TAF1B: variants seen among roughly 807,000 people sequenced by gnomAD.
The protein encoded by TAF1B is TATA-box binding protein associated factor, RNA polymerase I subunit B.
In TAF1B, 61 loss-of-function variants were observed where a neutral mutation model predicts 83.9. That is an observed-to-expected ratio of 0.73 (90% CI 0.59 to 0.90). The LOEUF is 0.90. TAF1B is among the 40% of genes least tolerant of loss of function. The probability of loss-of-function intolerance (pLI) is 0.00; values close to 1 mark genes in which losing one functional copy is unlikely to be tolerated. For synonymous variants in TAF1B, 221 were observed against 224.6 expected (o/e 0.98, Z 0.14); for missense variants, 625 against 677.0 (o/e 0.92, Z 0.85).
At chr2:9,888,805 T>G (rs989324374) in intron 8 of TAF1B, among the ~76,000 whole-genome samples, 4 of 144,562 alleles carry the variant, frequency 2.8e-5, no homozygotes, top group Non-Finnish European at 6.0e-5. Flanking sequence ...TTTTTTTTTT[T>G]TTTTTTTTTT....
At chr2:9,873,082 A>T (rs560869888) in intron 6 of TAF1B, among the ~76,000 whole-genome samples, 1 of 152,304 alleles carries the variant, frequency 6.6e-6, no homozygotes, top group East Asian at 1.9e-4. Context: ...AAACCTTTGC[A>T]TGGCTTTCAA....
At chr2:9,872,064 ACGCC>A (rs1251768332) in intron 6 of TAF1B, among the ~76,000 whole-genome samples, 1 of 152,140 alleles carries the variant, frequency 6.6e-6, no homozygotes, top group Non-Finnish European at 1.5e-5. Context: ...GTGGTGGCTC[ACGCC>A]TGTAATCCCA....
At position 9,914,676 on chromosome 2, in the gene TAF1B, A is replaced by C. The variant is rs1016462440; in HGVS notation, c.1271+1427A>C. ...TACTTTAGGGAATAATTTATTGGCC[A>C]AAGAAAGTAAGTCTGGTTATAAAAT... On this transcript the variant is annotated intron_variant, in intron 12 of 14. Coordinates refer to ENST00000263663, the MANE Select transcript of TAF1B (RefSeq NM_005680.3). The surrounding 1 kb of genome is among the most constrained non-coding windows in gnomAD (Gnocchi z 4.3). Among the ~76,000 whole-genome samples the C allele has an allele frequency of 2.0e-5, 3 of 152,224 alleles. No individual in the cohort carries two copies. Among genetic ancestry groups the C allele is most frequent in the African/African-American group, 2.4e-5 (1 of 41,456 alleles).
chr2:9,898,789 T>C (rs1665095641), intron 8 of TAF1B, among the ~76,000 whole-genome samples: 1 of 152,214 alleles, frequency 6.6e-6, no homozygotes, highest in African/African-American at 2.4e-5. Flanking sequence ...TAAAAGTAGA[T>C]ATTAGCAAGT....
Position 9,843,504 on chromosome 2 carries a change from T to G in TAF1B, c.-38T>G, listed in dbSNP as rs949816928. 3 of 1,520,106 alleles carry G rather than the reference T, an allele frequency of 2.0e-6. No individual in the cohort carries two copies. The highest frequency in any genetic ancestry group is 2.7e-6 in the Non-Finnish European group (3 of 1,129,558). 94.2% of individuals were successfully genotyped at this position (1,520,106 alleles called of 1,614,324 possible). On this transcript the variant is annotated 5_prime_UTR_variant, in exon 1 of 15. Transcript: ENST00000263663. Reference sequence around the variant, plus strand: ...CCGGAAGCTGCGCTCGCTACCCGGGTAACGGGTCCCGGCTGTGGAAGCTCC... The same window carrying G: ...CCGGAAGCTGCGCTCGCTACCCGGGGAACGGGTCCCGGCTGTGGAAGCTCC...
chr2:9,863,053 C>G (rs1663831694), intron 5 of TAF1B, among the ~76,000 whole-genome samples: 1 of 152,142 alleles, frequency 6.6e-6, no homozygotes, highest in African/African-American at 2.4e-5. Flanking sequence ...GCAAAATAAC[C>G]AGCTATAACA....
At chr2:9,861,352 A>G (rs1663749419) in intron 5 of TAF1B, among the ~76,000 whole-genome samples, 1 of 152,254 alleles carries the variant, frequency 6.6e-6, no homozygotes. Flanking sequence ...GCTGATTGCT[A>G]GCACAGCAGT....
chr2:9,851,652 T>C lies in TAF1B; in HGVS notation c.303+14T>C. 3 of 1,585,906 alleles carry C rather than the reference T, an allele frequency of 1.9e-6. No homozygotes were observed. Among genetic ancestry groups the C allele is most frequent in the Non-Finnish European group, 2.6e-6 (3 of 1,164,390 alleles). On this transcript the variant is annotated intron_variant, in intron 4 of 14. Transcript: ENST00000263663. The stretch of plus-strand genomic sequence containing the variant: ...CCAGAGTTAAAGGTAAGTACATTTG[T>C]GACTAGATGTTAGCTTTACATATTT...
At chr2:9,920,211 A>G (rs919136638) in intron 14 of TAF1B, among the ~76,000 whole-genome samples, 5 of 152,210 alleles carry the variant, frequency 3.3e-5, no homozygotes, top group Non-Finnish European at 7.3e-5. Context: ...AAGTGACCAC[A>G]GTACAGTTAT....
intron 14 of TAF1B, among the ~76,000 whole-genome samples, chr2:9,932,126 C>G (rs879873059): frequency 6.6e-6 from 1 of 152,162 alleles, no homozygotes; most frequent in Non-Finnish European, 1.5e-5. Flanking sequence ...GCCTTTAGCT[C>G]AGAAAAGTTT....
chr2:9,843,479 C>T lies in TAF1B; in HGVS notation c.-63C>T, dbSNP rs1572203295. The T allele has an allele frequency of 9.2e-6, 14 of 1,514,928 alleles. No homozygotes were observed. In the East Asian group the frequency reaches 3.8e-4, roughly 41 times the overall value. The allele number at this position is 1,514,928 out of a possible 1,614,324, so 93.8% of individuals were successfully genotyped here. A position where few individuals can be genotyped will look rare whatever the true frequency, so the allele number is the denominator to read the frequency against. On this transcript the variant is annotated 5_prime_UTR_variant, in exon 1 of 15. Coordinates refer to ENST00000263663, the MANE Select transcript of TAF1B (RefSeq NM_005680.3). ...CGGCCGGAAGCTTCTCCAGCCTTTC[C>T]CGGAAGCTGCGCTCGCTACCCGGGT...
Position 9,923,216 on chromosome 2 carries a change from C to T in TAF1B, c.1565+3396C>T, listed in dbSNP as rs1363775605. ...GCACACCACTGCACTCCAGCCTGGG[C>T]GACAGAGCAAGACTCCATCTCAAAA... On this transcript the variant is annotated intron_variant, in intron 14 of 14. Coordinates refer to ENST00000263663, the MANE Select transcript of TAF1B (RefSeq NM_005680.3). Among the ~76,000 whole-genome samples the T allele has an allele frequency of 2.9e-5, 4 of 137,102 alleles. 1 individual carries two copies. Among genetic ancestry groups the T allele is most frequent in the Admixed American group, 2.4e-4 (3 of 12,572 alleles). The allele number at this position is 137,102 out of a possible 152,430, so 89.9% of individuals were successfully genotyped here.
In TAF1B at chr2:9,875,887, T is replaced by G; in HGVS notation, c.576T>G (p.Ser192=). ...SQSETSVCSG[S]LDGVEYSQRK... is the part of the protein sequence containing the mutation. ...AAGAAACGTCTGTCTGCTCTGGATC[T>G]CTGGATGGAGTTGAATACTCACAAC... The change falls in exon 7 of 15, where the codon TCT becomes TCG. Residue 192 remains serine, a synonymous_variant. Transcript: ENST00000263663. 6.2e-7 allele frequency: 1 copy of G among 1,607,356 alleles called. No homozygotes were observed. The highest frequency in any genetic ancestry group is 8.5e-7 in the Non-Finnish European group (1 of 1,174,794).
intron 12 of TAF1B, among the ~76,000 whole-genome samples, chr2:9,917,628 C>T (rs1015900874): frequency 6.6e-6 from 1 of 152,188 alleles, no homozygotes; most frequent in African/African-American, 2.4e-5. Context: ...TTTCTTTGTT[C>T]ATTTATTCAC....
At chr2:9,843,644 G>A in intron 1 of TAF1B, 85 bp downstream of exon 1, 2 of 1,365,998 alleles carry the variant, frequency 1.5e-6, no homozygotes, top group Non-Finnish European at 1.9e-6. Flanking sequence ...GGACGCCGCG[G>A]GTTGGGGCGG....
chr2:9,884,900 G>A (rs444650), intron 8 of TAF1B, among the ~76,000 whole-genome samples: 42,414 of 152,052 alleles, frequency 0.28, 6,900 homozygotes, highest in Middle Eastern at 0.4. Flanking sequence ...ATCATTCATA[G>A]TGACCCACAT....
intron 10 of TAF1B, 38 bp downstream of exon 10, chr2:9,910,951 T>A: frequency 6.4e-7 from 1 of 1,564,400 alleles, no homozygotes. Flanking sequence ...TAACATTTTA[T>A]GGTGCTGATC....
chr2:9,849,716 C>T (rs1010501905), intron 3 of TAF1B, among the ~76,000 whole-genome samples: 2 of 152,148 alleles, frequency 1.3e-5, no homozygotes, highest in Non-Finnish European at 2.9e-5. Flanking sequence ...ATATGATATT[C>T]AACTTCTAGA....
At chr2:9,875,058 T>G (rs1209683456) in intron 6 of TAF1B, among the ~76,000 whole-genome samples, 1 of 151,320 alleles carries the variant, frequency 6.6e-6, no homozygotes, top group Admixed American at 6.6e-5. Context: ...ACCTCCCAGG[T>G]TCAAGCAATT....
Sources: gnomAD v4.1 joint callset for allele counts (sites outside exome capture counted in the v4.1 genomes callset) on GRCh38, gnomAD v4.1.1 for gene constraint, Gnocchi (gnomAD v3.1) non-coding constraint, MANE v1.5 for transcripts, NCBI Gene and HGNC (gene_info 2026-07-23, HGNC 2026-07-21) for gene names.